PTPRT: variants seen among roughly 807,000 people sequenced by gnomAD.
PTPRT encodes the protein receptor-type tyrosine-protein phosphatase T.
In PTPRT, 56 loss-of-function variants were observed where a neutral mutation model predicts 176.8. That is an observed-to-expected ratio of 0.32 (90% confidence interval 0.26 to 0.40). The LOEUF is 0.40. Ranked by LOEUF, PTPRT falls within the 10% of genes least tolerant of loss-of-function variation. PTPRT has a pLI of 1.00. For missense variants in PTPRT, 1,540 were observed against 1,908.2 expected, an observed-to-expected ratio of 0.81 and a Z score of 3.60; for synonymous variants, 783 against 739.0, an observed-to-expected ratio of 1.06 and a Z score of -0.96.
chr20:43,059,067 C>T (rs1186146637), intron 1 of PTPRT, among the ~76,000 whole-genome samples: 2 of 152,166 alleles, frequency 1.3e-5, no homozygotes, highest in African/African-American at 4.8e-5. Flanking sequence ...TGCACCTAGC[C>T]CTTGCACTCT....
chr20:42,106,751 C>T (rs780525719), intron 24 of PTPRT, 35 bp downstream of exon 24: 8 of 1,603,890 alleles, frequency 5.0e-6, no homozygotes, highest in South Asian at 2.2e-5. Flanking sequence ...GTCAGGGCTA[C>T]AGGTGGCCAA....
intron 14 of PTPRT, among the ~76,000 whole-genome samples, chr20:42,245,813 G>T (rs117767378): frequency 0.018 from 2,690 of 152,140 alleles, 32 homozygotes; most frequent in Non-Finnish European, 0.026. Flanking sequence ...TAGCTTTAGG[G>T]GGGCTTTGAG....
intron 7 of PTPRT, among the ~76,000 whole-genome samples, chr20:42,605,996 T>A (rs1194265288): frequency 6.6e-6 from 1 of 152,224 alleles, no homozygotes; most frequent in African/African-American, 2.4e-5. Context: ...GTTGGTGGAC[T>A]GCAGGCAGTA....
At chr20:43,063,077 T>C (rs1409847571) in intron 1 of PTPRT, among the ~76,000 whole-genome samples, 3 of 152,126 alleles carry the variant, frequency 2.0e-5, no homozygotes, top group Admixed American at 1.3e-4. Flanking sequence ...AAATAATTTA[T>C]CCAAAGCTCA....
At chr20:42,240,670 G>T (rs1198649840) in intron 14 of PTPRT, among the ~76,000 whole-genome samples, 1 of 151,278 alleles carries the variant, frequency 6.6e-6, no homozygotes, top group Non-Finnish European at 1.5e-5. Flanking sequence ...ATCCATCCAT[G>T]AACCTATCCA....
intron 18 of PTPRT, among the ~76,000 whole-genome samples, chr20:42,131,762 C>T (rs546221911): frequency 1.8e-4 from 27 of 152,254 alleles, no homozygotes; most frequent in African/African-American, 6.5e-4. Context: ...TATGCAGAAG[C>T]AAAACTTCCA....
At chr20:42,953,745 A>G (rs1186381655) in intron 1 of PTPRT, among the ~76,000 whole-genome samples, 2 of 152,058 alleles carry the variant, frequency 1.3e-5, no homozygotes, top group African/African-American at 4.8e-5. Context: ...TCCAGAGAGG[A>G]CCTCAGATGA....
intron 1 of PTPRT, among the ~76,000 whole-genome samples, chr20:43,136,817 T>C (rs1461208414): frequency 6.6e-6 from 1 of 152,208 alleles, no homozygotes; most frequent in Admixed American, 6.5e-5. Flanking sequence ...GTAAAGTCTG[T>C]GTCTATAACT....
intron 6 of PTPRT, among the ~76,000 whole-genome samples, chr20:42,740,132 C>T (rs1569125180): frequency 2.0e-5 from 3 of 152,174 alleles, no homozygotes; most frequent in South Asian, 2.1e-4. Flanking sequence ...AATCCTTTTG[C>T]CCTTGAGGTT....
intron 1 of PTPRT, among the ~76,000 whole-genome samples, chr20:43,032,915 C>A (rs1448772486): frequency 6.6e-6 from 1 of 152,182 alleles, no homozygotes; most frequent in African/African-American, 2.4e-5. Flanking sequence ...TACAGAATTG[C>A]AGAGGTCTTG....
rs2077198480 is a variant in PTPRT at position 42,780,425 on chromosome 20, T to G, written c.487-126A>C. 6.0e-6 allele frequency: 4 copies of G among 669,982 alleles called. No individual in the cohort carries two copies. In the South Asian group the frequency reaches 7.2e-5, roughly 12 times the overall value. 41.5% of individuals were successfully genotyped at this position (669,982 alleles called of 1,614,324 possible). On this transcript the variant is annotated intron_variant, in intron 3 of 30. Coordinates refer to ENST00000373187, the MANE Select transcript of PTPRT (RefSeq NM_007050.6). Reference sequence around the variant, plus strand: ...CAGAAGCAACCCAAGAAACCTTCTGTTAAGACAGCACGCTACCCTGGCAAT... The same window carrying G: ...CAGAAGCAACCCAAGAAACCTTCTGGTAAGACAGCACGCTACCCTGGCAAT...
At chr20:42,194,376 T>A (rs957757801) in intron 16 of PTPRT, among the ~76,000 whole-genome samples, 16 of 152,140 alleles carry the variant, frequency 1.1e-4, no homozygotes, top group African/African-American at 3.4e-4. Context: ...AGACATGGAA[T>A]AATTCAATAG....
At chr20:43,154,001 T>C (rs1282761866) in intron 1 of PTPRT, among the ~76,000 whole-genome samples, 1 of 152,202 alleles carries the variant, frequency 6.6e-6, no homozygotes, top group Non-Finnish European at 1.5e-5. Context: ...GGTGAGAAGA[T>C]ACTCCAATTC....
At chr20:42,356,369 C>A (rs917917205) in intron 9 of PTPRT, among the ~76,000 whole-genome samples, 1 of 152,008 alleles carries the variant, frequency 6.6e-6, no homozygotes, top group Non-Finnish European at 1.5e-5. Context: ...ACAGTAGGAT[C>A]CACAGCCAGA....
chr20:42,526,806 C>T (rs1429613636), intron 7 of PTPRT, among the ~76,000 whole-genome samples: 1 of 151,978 alleles, frequency 6.6e-6, no homozygotes, highest in African/African-American at 2.4e-5. Flanking sequence ...TCTAAGATAG[C>T]AGAAATTCTC....
intron 2 of PTPRT, among the ~76,000 whole-genome samples, chr20:42,839,715 C>G (rs934034194): frequency 7.2e-5 from 11 of 152,146 alleles, no homozygotes; most frequent in Non-Finnish European, 1.5e-5. Flanking sequence ...TCTGGAGGGT[C>G]GTGAAAGCCA....
chr20:42,885,247 G>A (rs1007049791), intron 2 of PTPRT, among the ~76,000 whole-genome samples: 6 of 146,484 alleles, frequency 4.1e-5, no homozygotes, highest in African/African-American at 1.5e-4. Context: ...TATATACTAT[G>A]TAACATATAT....
intron 17 of PTPRT, among the ~76,000 whole-genome samples, chr20:42,151,514 A>G (rs1294307330): frequency 3.3e-5 from 5 of 152,146 alleles, no homozygotes; most frequent in African/African-American, 1.2e-4. Context: ...TCCATGGTAT[A>G]TATGTGCCAC....
At chr20:42,136,780 G>A (rs144653558) in intron 18 of PTPRT, among the ~76,000 whole-genome samples, 14 of 152,286 alleles carry the variant, frequency 9.2e-5, no homozygotes, top group East Asian at 5.8e-4. Context: ...AGTTGTTGTC[G>A]GGGGGTGATC....
Sources: allele counts gnomAD v4.1 joint callset (sites outside exome capture counted in the v4.1 genomes callset), GRCh38; gene constraint gnomAD v4.1.1; transcripts MANE v1.5; gene names NCBI Gene and HGNC (gene_info 2026-07-23, HGNC 2026-07-21).